MADD: variants seen among roughly 807,000 people sequenced by gnomAD.
MADD encodes the protein MAP kinase-activating death domain protein.
A neutral mutation model predicts 176.7 loss-of-function variants in MADD; 109 were observed. The ratio of observed to expected loss-of-function variants is 0.62; its 90% CI spans 0.53 to 0.72. The LOEUF (loss-of-function observed/expected upper bound fraction) is 0.72, where lower values mean the gene tolerates loss of function less well. Ranked by LOEUF, MADD falls within the 30% of genes least tolerant of loss-of-function variation. The probability of loss-of-function intolerance (pLI) is 0.00; values close to 1 mark genes in which losing one functional copy is unlikely to be tolerated. For missense variants in MADD, 1,914 were observed against 2,045.5 expected, an observed-to-expected ratio of 0.94 and a Z score of 1.24; for synonymous variants, 771 against 771.3, an observed-to-expected ratio of 1.00 and a Z score of 0.01.
chr11:47,308,583 C>G lies in MADD; in HGVS notation c.3643-8C>G. The G allele has an allele frequency of 6.2e-7, 1 of 1,611,798 alleles. No homozygotes were observed. Among genetic ancestry groups the G allele is most frequent in the Non-Finnish European group, 8.5e-7 (1 of 1,178,174 alleles). On this transcript the variant is annotated splice_polypyrimidine_tract_variant and splice_region_variant and intron_variant, in intron 22 of 32. Coordinates refer to ENST00000402192, the Ensembl canonical transcript of MADD. ...TCTGGCCACTGACCTATCACCTCTT[C>G]TCTCTAGGGTAAAGCCCACAGCTTG...
chr11:47,306,998 C>T (rs1467356707), intron 22 of MADD, among the ~76,000 whole-genome samples: 2 of 152,032 alleles, frequency 1.3e-5, no homozygotes, highest in East Asian at 3.9e-4. Context: ...AACTTCTGGG[C>T]TCAAGCAATC....
At chr11:47,305,149 A>C (rs1225359240) in intron 22 of MADD, among the ~76,000 whole-genome samples, 1 of 152,046 alleles carries the variant, frequency 6.6e-6, no homozygotes, top group African/African-American at 2.4e-5. Flanking sequence ...CTCACAATGG[A>C]GTGACTCAGC....
chr11:47,285,499 A>C (rs539864994), exon 14 of MADD: 12 of 1,614,182 alleles, frequency 7.4e-6, no homozygotes, highest in African/African-American at 6.7e-5. Context: ...CAAGTGACTC[A>C]GATGCAGAGT....
intron 18 of MADD, 135 bp from the exon 20 acceptor site, chr11:47,290,475 A>G: frequency 7.9e-7 from 1 of 1,262,746 alleles, no homozygotes; most frequent in East Asian, 2.4e-5. Flanking sequence ...TTGTTACGAA[A>G]AATAAGACAT....
intron 6 of MADD, among the ~76,000 whole-genome samples, chr11:47,278,744 G>A (rs540231559): frequency 3.3e-5 from 5 of 151,864 alleles, no homozygotes; most frequent in Admixed American, 6.6e-5. Context: ...AAAAATAAGC[G>A]TAAATAAAAT....
chr11:47,295,618 G>A, intron 21 of MADD, 39 bp downstream of exon 23: 1 of 1,613,542 alleles, frequency 6.2e-7, no homozygotes. Flanking sequence ...TGGGTGGGGT[G>A]TGGATTTCCC....
chr11:47,274,251 A>G (rs2047720172), intron 2 of MADD, among the ~76,000 whole-genome samples: 1 of 152,032 alleles, frequency 6.6e-6, no homozygotes, highest in Non-Finnish European at 1.5e-5. Flanking sequence ...ATTATAAGCT[A>G]CTCCTCTATG....
chr11:47,324,001 A>G (rs2095005237), intron 28 of MADD, 166 bp downstream of exon 31: 1 of 724,014 alleles, frequency 1.4e-6, no homozygotes, highest in South Asian at 1.8e-5. Flanking sequence ...AACTAGGCCT[A>G]ATAGTAGTCA....
chr11:47,290,706 C>T (rs1052328616), exon 19 of MADD: 1 of 1,614,026 alleles, frequency 6.2e-7, no homozygotes, highest in African/African-American at 1.3e-5. Context: ...AAGGCTATGG[C>T]ACAACTGAGA....
chr11:47,328,750 C>T, intron 32 of MADD, 46 bp downstream of exon 36: 1 of 1,612,558 alleles, frequency 6.2e-7, no homozygotes, highest in Non-Finnish European at 8.5e-7. Flanking sequence ...CGCAGGGCTC[C>T]CTGGGGGACC....
chr11:47,279,085 T>C lies in MADD; in HGVS notation c.1290+6T>C, dbSNP rs755196758. ...TGAAAAAGCATTTAAAGCAGGTAGGTGAAGAACGAAGGAAAGAAAGGGGAG... is the reference window on the plus strand; with the variant it reads ...TGAAAAAGCATTTAAAGCAGGTAGGCGAAGAACGAAGGAAAGAAAGGGGAG... On this transcript the variant is annotated splice_donor_region_variant and intron_variant, in intron 7 of 32. Coordinates refer to ENST00000402192, the Ensembl canonical transcript of MADD. 13 of 1,613,350 alleles carry C rather than the reference T, an allele frequency of 8.1e-6. No homozygotes were observed. Among genetic ancestry groups the C allele is most frequent in the Middle Eastern group, 1.6e-4 (1 of 6,084 alleles).
At position 47,329,030 on chromosome 11, in the gene MADD, G is replaced by T; in HGVS notation, c.4660-16G>T. On this transcript the variant is annotated splice_polypyrimidine_tract_variant and intron_variant, in intron 32 of 32. Coordinates refer to ENST00000402192, the Ensembl canonical transcript of MADD. ...GAGTCTCAGTATCGTGATCCGCCTG[G>T]TTTTCTCTCCTCTAGGCCCACGAAA... 1 of 1,600,014 alleles carries T rather than the reference G, an allele frequency of 6.2e-7. No individual in the cohort carries two copies.
intron 27 of MADD, among the ~76,000 whole-genome samples, chr11:47,318,394 G>A (rs1261014589): frequency 1.3e-5 from 2 of 152,194 alleles, no homozygotes; most frequent in Non-Finnish European, 2.9e-5. Context: ...TGTCAGTGTA[G>A]CCAAGAAGGA....
chr11:47,322,666 A>G (rs907918688), intron 27 of MADD, among the ~76,000 whole-genome samples: 2 of 152,232 alleles, frequency 1.3e-5, no homozygotes, highest in African/African-American at 2.4e-5. Flanking sequence ...GAAGGTGTCA[A>G]AGATATTTGC....
At chr11:47,303,367 T>A (rs1474144326) in intron 22 of MADD, among the ~76,000 whole-genome samples, 1 of 150,792 alleles carries the variant, frequency 6.6e-6, no homozygotes, top group African/African-American at 2.4e-5. Flanking sequence ...GCCTCCTGAG[T>A]AGCTAGGACT....
At position 47,284,498 on chromosome 11, in the gene MADD, C is replaced by T. The variant is rs151338032; in HGVS notation, c.2090C>T (p.Pro697Leu). 2.5e-5 allele frequency: 41 copies of T among 1,614,108 alleles called. No individual in the cohort carries two copies. In the Middle Eastern group the frequency reaches 5.0e-4, roughly 19 times the overall value. ...AGTGAGAACTCTCAGGAAAACCCCCCACTGCGCTCCAGCTCTAGCACCACA... is the reference window on the plus strand; with the variant it reads ...AGTGAGAACTCTCAGGAAAACCCCCTACTGCGCTCCAGCTCTAGCACCACA... The change falls in exon 12 of 33, where the codon CCA becomes CTA. Residue 697 changes from proline (P) to leucine (L), a missense_variant. This residue lies in a region of MADD where 1,767 missense variants were observed against 1,836.0 expected (regional missense o/e 0.96). Coordinates refer to ENST00000402192, the Ensembl canonical transcript of MADD.
intron 27 of MADD, among the ~76,000 whole-genome samples, chr11:47,315,917 C>T (rs1163729140): frequency 1.3e-5 from 2 of 151,406 alleles, no homozygotes; most frequent in African/African-American, 4.9e-5. Flanking sequence ...CTGCAGCCTC[C>T]ACCTCCCAGG....
intron 22 of MADD, among the ~76,000 whole-genome samples, chr11:47,298,318 T>C (rs2074791813): frequency 6.6e-6 from 1 of 152,230 alleles, no homozygotes. Context: ...CTATAAGACA[T>C]CTCAGTGCTT....
chr11:47,286,291 T>G (rs1231614059), intron 14 of MADD, 142 bp from the exon 15 acceptor site: 6 of 684,098 alleles, frequency 8.8e-6, no homozygotes. Context: ...TGATCCTTTC[T>G]AAGACAGATC....
Sources: gnomAD v4.1 joint callset for allele counts (sites outside exome capture counted in the v4.1 genomes callset) on GRCh38, gnomAD v4.1.1 for gene constraint, gnomAD v4.1.1 regional missense constraint, MANE v1.5 for transcripts, NCBI Gene and HGNC (gene_info 2026-07-23, HGNC 2026-07-21) for gene names.